Variants in CCBE1 observed in about 807,000 individuals in gnomAD.
CCBE1 encodes collagen and calcium-binding EGF domain-containing protein 1.
In CCBE1, 37 loss-of-function variants were observed where a neutral mutation model predicts 50.0. The observed-to-expected ratio is 0.74, with a 90% CI of 0.57 to 0.97. The LOEUF (loss-of-function observed/expected upper bound fraction) is 0.97. Ranked by LOEUF, CCBE1 falls within the 50% of genes least tolerant of loss-of-function variation. The pLI, the probability that CCBE1 is intolerant of heterozygous loss-of-function variation, is 0.00. For synonymous variants in CCBE1, 234 were observed against 203.7 expected (o/e 1.15, Z -1.27); for missense variants, 538 against 523.8 (o/e 1.03, Z -0.26).
At chr18:59,680,020 A>G (rs957441846) in intron 2 of CCBE1, among the ~76,000 whole-genome samples, 2 of 152,042 alleles carry the variant, frequency 1.3e-5, no homozygotes, top group African/African-American at 4.8e-5. Flanking sequence ...GGTCAGGACG[A>G]GACCAACTCG....
At chr18:59,441,005 G>T (rs1373837860) in intron 7 of CCBE1, among the ~76,000 whole-genome samples, 1 of 152,164 alleles carries the variant, frequency 6.6e-6, no homozygotes, top group African/African-American at 2.4e-5. Context: ...TTCCATTGGA[G>T]GAATTATTTG....
At chr18:59,444,584 A>G (rs925990319) in intron 7 of CCBE1, among the ~76,000 whole-genome samples, 3 of 151,414 alleles carry the variant, frequency 2.0e-5, no homozygotes, top group Non-Finnish European at 2.9e-5. Context: ...TGTTGTTTTC[A>G]TGGCTCACTG....
At chr18:59,437,334 A>G (rs973371545) in intron 10 of CCBE1, among the ~76,000 whole-genome samples, 1 of 152,220 alleles carries the variant, frequency 6.6e-6, no homozygotes, top group African/African-American at 2.4e-5. Context: ...GTAAAGCACT[A>G]AGAGAGGCAC....
chr18:59,519,693 AT>A (rs1182541935), intron 2 of CCBE1, among the ~76,000 whole-genome samples: 1 of 152,120 alleles, frequency 6.6e-6, no homozygotes, highest in Non-Finnish European at 1.5e-5. Flanking sequence ...CCATTTGTCA[AT>A]TTTGGCTTTT....
intron 2 of CCBE1, among the ~76,000 whole-genome samples, chr18:59,514,305 G>T (rs754675786): frequency 7.2e-5 from 11 of 152,112 alleles, no homozygotes; most frequent in Non-Finnish European, 7.4e-5. Context: ...AATAAGTGCT[G>T]ACTGCCATGC....
chr18:59,649,367 G>A (rs1364131249), intron 2 of CCBE1, among the ~76,000 whole-genome samples: 2 of 152,206 alleles, frequency 1.3e-5, no homozygotes, highest in African/African-American at 4.8e-5. Context: ...AACAGTTGAT[G>A]CGGTGCAAGA....
intron 2 of CCBE1, among the ~76,000 whole-genome samples, chr18:59,590,080 C>T (rs150868480): frequency 6.2e-4 from 94 of 152,238 alleles, no homozygotes; most frequent in East Asian, 1.9e-3. Flanking sequence ...ATGTGAAACG[C>T]GAATTTCCAC....
chr18:59,613,770 G>A (rs2053601051), intron 2 of CCBE1, among the ~76,000 whole-genome samples: 1 of 149,468 alleles, frequency 6.7e-6, no homozygotes, highest in Non-Finnish European at 1.5e-5. Flanking sequence ...AATATGGTTA[G>A]TTCTTAATGA....
chr18:59,620,062 G>T (rs881253), intron 2 of CCBE1, among the ~76,000 whole-genome samples: 17 of 151,724 alleles, frequency 1.1e-4, no homozygotes, highest in African/African-American at 3.9e-4. Context: ...GAGGGGAATA[G>T]GAAAGGAAAG....
chr18:59,586,721 T>G (rs1298713772), intron 2 of CCBE1, among the ~76,000 whole-genome samples: 1 of 152,144 alleles, frequency 6.6e-6, no homozygotes, highest in East Asian at 1.9e-4. Context: ...TTCAGACCCA[T>G]TCAACACTGT....
intron 2 of CCBE1, among the ~76,000 whole-genome samples, chr18:59,665,300 A>G (rs982003538): frequency 6.6e-6 from 1 of 152,148 alleles, no homozygotes; most frequent in African/African-American, 2.4e-5. Flanking sequence ...TTTACTGGTT[A>G]TGGTACAGAA....
At chr18:59,638,468 A>G (rs73454493) in intron 2 of CCBE1, among the ~76,000 whole-genome samples, 2,715 of 152,252 alleles carry the variant, frequency 0.018, 64 homozygotes, top group African/African-American at 0.06. Context: ...GTAAATGCAC[A>G]TTTTCTGGCT....
intron 2 of CCBE1, among the ~76,000 whole-genome samples, chr18:59,513,472 T>C (rs1307876201): frequency 2.0e-4 from 30 of 152,154 alleles, no homozygotes; most frequent in Admixed American, 2.0e-3. Context: ...TATACTTCCT[T>C]TGTGGCAATT....
intron 2 of CCBE1, among the ~76,000 whole-genome samples, chr18:59,642,948 CAA>C (rs10683687): frequency 0.047 from 4,400 of 94,156 alleles, 61 homozygotes; most frequent in Non-Finnish European, 0.064. Context: ...GACTCCACCT[CAA>C]AAAAAAAAAA....
At chr18:59,453,211 G>A (rs930529610) in intron 6 of CCBE1, among the ~76,000 whole-genome samples, 4 of 152,218 alleles carry the variant, frequency 2.6e-5, no homozygotes, top group African/African-American at 4.8e-5. Flanking sequence ...GAAAGTGAGG[G>A]TAGCTTTATG....
intron 2 of CCBE1, among the ~76,000 whole-genome samples, chr18:59,639,670 G>A (rs969984276): frequency 1.3e-5 from 2 of 152,120 alleles, no homozygotes; most frequent in Non-Finnish European, 2.9e-5. Context: ...AGAAATAAAA[G>A]GTATCAAAAT....
intron 2 of CCBE1, among the ~76,000 whole-genome samples, chr18:59,596,614 A>G (rs1332231492): frequency 6.6e-6 from 1 of 152,168 alleles, no homozygotes; most frequent in Admixed American, 6.5e-5. Flanking sequence ...TGTCCTCCCC[A>G]TGCCTCAGCC....
At chr18:59,451,703 G>A (rs191532497) in intron 6 of CCBE1, among the ~76,000 whole-genome samples, 30 of 152,248 alleles carry the variant, frequency 2.0e-4, no homozygotes, top group Admixed American at 1.4e-3. Context: ...ATATAACTTA[G>A]CAAATTGTTA....
intron 2 of CCBE1, among the ~76,000 whole-genome samples, chr18:59,578,878 C>A (rs1477771549): frequency 6.6e-6 from 1 of 152,158 alleles, no homozygotes; most frequent in Non-Finnish European, 1.5e-5. Context: ...CAGCAAACCA[C>A]CATGGCACGA....
Sources: allele counts gnomAD v4.1 joint callset (sites outside exome capture counted in the v4.1 genomes callset), GRCh38; gene constraint gnomAD v4.1.1; transcripts MANE v1.5; gene names NCBI Gene and HGNC (gene_info 2026-07-23, HGNC 2026-07-21).